The following ANKRD31 variants were observed in gnomAD, a reference collection of about 807,000 sequenced individuals.
ANKRD31 encodes ankyrin repeat domain-containing protein 31.
In ANKRD31, 147 loss-of-function variants were observed where a neutral mutation model predicts 186.0. The observed-to-expected ratio is 0.79, with a 90% CI of 0.69 to 0.91. ANKRD31 has a LOEUF of 0.91. Ranked by LOEUF, ANKRD31 falls within the 40% of genes least tolerant of loss-of-function variation. ANKRD31 has a pLI of 0.00. For synonymous variants in ANKRD31, 673 were observed against 736.4 expected, an observed-to-expected ratio of 0.91 and a Z score of 1.39; for missense variants, 1,986 against 2,148.8, an observed-to-expected ratio of 0.92 and a Z score of 1.50.
At position 75,178,617 on chromosome 5, in the gene ANKRD31, C is replaced by A. The variant is rs1754015013; in HGVS notation, c.1565-9496G>T. ...GCTCGACTACATGGAAACTGAACAACCTGCTCCTGAATGACTACTGGGTAC... is the reference window on the plus strand; with the variant it reads ...GCTCGACTACATGGAAACTGAACAAACTGCTCCTGAATGACTACTGGGTAC... On this transcript the variant is annotated intron_variant, in intron 10 of 25. Coordinates refer to ENST00000506364, the MANE Select transcript of ANKRD31 (RefSeq NM_001372053.1). 2.6e-5 allele frequency among the ~76,000 whole-genome samples: 4 copies of A among 152,076 alleles called. No homozygotes were observed. In the South Asian group the frequency reaches 8.3e-4, roughly 32 times the overall value.
At chr5:75,094,605 T>A (rs1746171384) in intron 22 of ANKRD31, among the ~76,000 whole-genome samples, 1 of 151,406 alleles carries the variant, frequency 6.6e-6, no homozygotes, top group African/African-American at 2.4e-5. Flanking sequence ...AAGAAAGCAA[T>A]AAAGGAAGTA....
At chr5:75,178,325 T>C (rs1753989511) in intron 10 of ANKRD31, among the ~76,000 whole-genome samples, 2 of 152,088 alleles carry the variant, frequency 1.3e-5, no homozygotes, top group Admixed American at 6.6e-5. Context: ...GACAGATCAA[T>C]GAGACAGAAA....
chr5:75,086,638 G>A (rs1034876747), intron 23 of ANKRD31, among the ~76,000 whole-genome samples: 1 of 152,206 alleles, frequency 6.6e-6, no homozygotes, highest in Admixed American at 6.5e-5. Flanking sequence ...GATGCCAGAT[G>A]AGAACATGTA....
rs191352430 is a variant in ANKRD31, at chr5:75,099,824, T to C, written c.5331+4404A>G. Among the ~76,000 whole-genome samples the C allele has an allele frequency of 3.3e-5, 5 of 152,308 alleles. No individual in the cohort carries two copies. In the East Asian group the frequency reaches 9.6e-4, roughly 29 times the overall value. ...GCGTCTATTTGACTCTTCTTTTTTA[T>C]CAGTCTTGCTAGCGGTCTATCAATT... On this transcript the variant is annotated intron_variant, in intron 22 of 25. Transcript: ENST00000506364.
intron 15 of ANKRD31, among the ~76,000 whole-genome samples, chr5:75,142,856 G>C (rs935112644): frequency 2.0e-5 from 3 of 152,026 alleles, no homozygotes; most frequent in African/African-American, 4.8e-5. Flanking sequence ...CTTACAGTCT[G>C]GTGGAATAAT....
Position 75,147,165 on chromosome 5 carries a change from T to C in ANKRD31, c.2246A>G (p.Lys749Arg), listed in dbSNP as rs1422179934. ...CCTGGAAGGAGAGACAGCTAGTATCTTTCTTGGATTACAGTCTACATCATC... is the reference window on the plus strand; with the variant it reads ...CCTGGAAGGAGAGACAGCTAGTATCCTTCTTGGATTACAGTCTACATCATC... ...QVDDVDCNPR[K>R]ILAVSPSRRI... Residue 749 changes from lysine to arginine, a missense_variant, in exon 14 of 26, where the codon AAG (lysine) becomes AGG (arginine). By Grantham distance (26) the Lys-to-Arg change is conservative (BLOSUM62 2). Coordinates refer to ENST00000506364, the MANE Select transcript of ANKRD31 (RefSeq NM_001372053.1). 1 of 1,536,366 alleles carries C rather than the reference T, an allele frequency of 6.5e-7. No homozygotes were observed. Among genetic ancestry groups the C allele is most frequent in the East Asian group, 2.4e-5 (1 of 40,892 alleles).
intron 17 of ANKRD31, among the ~76,000 whole-genome samples, chr5:75,118,757 T>C (rs1748507947): frequency 6.6e-6 from 1 of 152,146 alleles, no homozygotes; most frequent in African/African-American, 2.4e-5. Context: ...AGCTACTATA[T>C]TGGGCAGCAC....
intron 25 of ANKRD31, among the ~76,000 whole-genome samples, chr5:75,074,574 T>A (rs530994099): frequency 6.6e-6 from 1 of 152,308 alleles, no homozygotes; most frequent in South Asian, 2.1e-4. Flanking sequence ...CCGACTAGGA[T>A]AATCCCCAAC....
At chr5:75,204,462 T>C (rs560504345) in intron 5 of ANKRD31, among the ~76,000 whole-genome samples, 1 of 152,346 alleles carries the variant, frequency 6.6e-6, no homozygotes, top group South Asian at 2.1e-4. Flanking sequence ...CCGAGAATGC[T>C]TTAAGTTTTA....
At chr5:75,173,249 C>T (rs76477810) in intron 10 of ANKRD31, among the ~76,000 whole-genome samples, 32,933 of 151,602 alleles carry the variant, frequency 0.22, 3,733 homozygotes, top group South Asian at 0.39. Flanking sequence ...AAAATAGGAG[C>T]GATTTACGAC....
At chr5:75,121,464 C>T (rs908201264) in intron 17 of ANKRD31, among the ~76,000 whole-genome samples, 1 of 152,126 alleles carries the variant, frequency 6.6e-6, no homozygotes, top group Non-Finnish European at 1.5e-5. Flanking sequence ...ATGGACCCAA[C>T]AGACACTTAC....
At chr5:75,157,926 A>G (rs1236000325) in intron 11 of ANKRD31, among the ~76,000 whole-genome samples, 2 of 152,228 alleles carry the variant, frequency 1.3e-5, no homozygotes, top group African/African-American at 2.4e-5. Context: ...AAAAGAAAAC[A>G]CCAAGAACAG....
chr5:75,216,428 T>C (rs1386347928), intron 3 of ANKRD31, among the ~76,000 whole-genome samples: 1 of 152,100 alleles, frequency 6.6e-6, no homozygotes, highest in Non-Finnish European at 1.5e-5. Flanking sequence ...ACATAGCAAA[T>C]GTTTCTGAAA....
intron 5 of ANKRD31, 112 bp from the exon 6 acceptor site, chr5:75,199,786 A>G (rs971868280): frequency 7.5e-5 from 35 of 467,570 alleles, no homozygotes; most frequent in Non-Finnish European, 1.1e-4. Context: ...CAAGTGACAC[A>G]TCATATATTT....
At chr5:75,138,025 A>AC in intron 16 of ANKRD31, 27 bp from the exon 17 acceptor site, 1 of 1,440,272 alleles carries the variant, frequency 6.9e-7, no homozygotes, top group Non-Finnish European at 9.0e-7. Flanking sequence ...AAAAAAAAAA[A>AC]CCCTGCTTCA....
At chr5:75,176,907 G>T (rs1053186061) in intron 10 of ANKRD31, among the ~76,000 whole-genome samples, 2 of 152,084 alleles carry the variant, frequency 1.3e-5, no homozygotes, top group African/African-American at 4.8e-5. Context: ...AGTTGAGAGA[G>T]GAAGGCTTCA....
chr5:75,084,227 G>A (rs1745305190), intron 24 of ANKRD31, 45 bp downstream of exon 24: 6 of 1,355,152 alleles, frequency 4.4e-6, no homozygotes, highest in Non-Finnish European at 6.1e-6. Context: ...GTAGGTTTTG[G>A]TGTTTTATCC....
At chr5:75,197,573 G>T (rs1755551015) in intron 6 of ANKRD31, among the ~76,000 whole-genome samples, 1 of 152,092 alleles carries the variant, frequency 6.6e-6, no homozygotes, top group South Asian at 2.1e-4. Flanking sequence ...TTATTTGTTA[G>T]CAATGCTAAC....
At chr5:75,136,573 A>AACTAGTTCAAC (rs1750595064) in intron 17 of ANKRD31, among the ~76,000 whole-genome samples, 1 of 152,226 alleles carries the variant, frequency 6.6e-6, no homozygotes, top group Non-Finnish European at 1.5e-5. Context: ...GTGGGACTGT[A>AACTAGTTCAAC]AACTAGTTCA....
Sources: allele counts gnomAD v4.1 joint callset (sites outside exome capture counted in the v4.1 genomes callset), GRCh38; gene constraint gnomAD v4.1.1; transcripts MANE v1.5; gene names NCBI Gene and HGNC (gene_info 2026-07-23, HGNC 2026-07-21).